The following FKBP15 variants were observed in gnomAD, a reference collection of about 807,000 sequenced individuals.
FKBP15 encodes FK506-binding protein 15.
In FKBP15, 106 loss-of-function variants were observed where a neutral mutation model predicts 158.1. That is an observed-to-expected ratio of 0.67 (90% CI 0.57 to 0.79). The LOEUF (loss-of-function observed/expected upper bound fraction) is 0.79, where lower values mean the gene tolerates loss of function less well. Among genes scored for constraint, FKBP15 ranks in the 30% least tolerant of loss-of-function variants. FKBP15 has a pLI of 0.00. For synonymous variants in FKBP15, 547 were observed against 548.6 expected, an observed-to-expected ratio of 1.00 and a Z score of 0.04; for missense variants, 1,287 against 1,479.1, an observed-to-expected ratio of 0.87 and a Z score of 2.13.
In FKBP15 at chr9:113,196,988, T is replaced by C. The variant is rs758323926; in HGVS notation, c.808A>G (p.Ile270Val). 2 of 1,614,020 alleles carry C rather than the reference T, an allele frequency of 1.2e-6. No homozygotes were observed. The highest frequency in any genetic ancestry group is 1.7e-5 in the Admixed American group (1 of 60,016). The change falls in exon 9 of 28, where the codon ATA (isoleucine) becomes GTA (valine). Residue 270 changes from isoleucine (I) to valine (V), a missense_variant. By Grantham distance (29) the Ile-to-Val change is conservative (BLOSUM62 3). Coordinates refer to ENST00000238256, the MANE Select transcript of FKBP15 (RefSeq NM_015258.2). ...PACAVGSEGVIGWTQATDSIL... is the reference protein window; with the variant it reads ...PACAVGSEGVVGWTQATDSIL... ...GAGTCCGTTGCTTGAGTCCAGCCTA[T>C]TACCCCTTCTGAGCCAACAGCACAG...
intron 24 of FKBP15, among the ~76,000 whole-genome samples, chr9:113,171,166 G>A (rs1459088234): frequency 6.6e-6 from 1 of 152,232 alleles, no homozygotes; most frequent in Non-Finnish European, 1.5e-5. Flanking sequence ...GGTGGCTCAT[G>A]CCTGTAATCC....
chr9:113,199,987 A>G, intron 6 of FKBP15, 24 bp from the exon 7 acceptor site: 1 of 1,603,646 alleles, frequency 6.2e-7, no homozygotes, highest in African/African-American at 1.3e-5. Flanking sequence ...TCAAAGCAGC[A>G]TAAATGTAGT....
chr9:113,188,558 T>C, intron 12 of FKBP15, 67 bp from the exon 13 acceptor site: 2 of 1,330,320 alleles, frequency 1.5e-6, no homozygotes, highest in Non-Finnish European at 2.1e-6. Flanking sequence ...AGGCTGACTG[T>C]CTGCCCTAAA....
At chr9:113,173,045 T>A (rs146118811) in intron 23 of FKBP15, among the ~76,000 whole-genome samples, 1 of 152,330 alleles carries the variant, frequency 6.6e-6, no homozygotes, top group Non-Finnish European at 1.5e-5. Context: ...CCAGCTCTCC[T>A]GGGTACTTCC....
chr9:113,213,837 T>C (rs1831066623), intron 1 of FKBP15, among the ~76,000 whole-genome samples: 1 of 152,204 alleles, frequency 6.6e-6, no homozygotes, highest in South Asian at 2.1e-4. Context: ...TATTCTGTTA[T>C]AAGCAACAGA....
chr9:113,208,331 C>T (rs143398520), intron 2 of FKBP15, among the ~76,000 whole-genome samples: 1,525 of 151,538 alleles, frequency 0.01, 19 homozygotes, highest in African/African-American at 0.028. Flanking sequence ...AATGAGACTC[C>T]GTCTCAAAAA....
chr9:113,173,320 G>A, intron 23 of FKBP15, 133 bp downstream of exon 23: 2 of 886,408 alleles, frequency 2.3e-6, no homozygotes, highest in Non-Finnish European at 3.3e-6. Flanking sequence ...TAACTGACAA[G>A]CTAAACAAGT....
rs764371388 is a variant in FKBP15, at chr9:113,171,646, C to T, written c.2593G>A (p.Glu865Lys). The change falls in exon 24 of 28, where the codon GAA becomes AAA. Residue 865 changes from glutamate to lysine, a missense_variant. Transcript: ENST00000238256. ...LTKQNEQHIK[E>K]LEKNKSQMSG... ...ATCTGGGACTTGTTCTTCTCTAGTT[C>T]CTTGATGTGCTGTTCATTTTGCTTG... The T allele has an allele frequency of 2.5e-6, 4 of 1,603,738 alleles. No homozygotes were observed. The highest frequency in any genetic ancestry group is 1.3e-5 in the African/African-American group (1 of 74,792).
At position 113,190,165 on chromosome 9, in the gene FKBP15, T is replaced by C. The variant is rs1262846025; in HGVS notation, c.1173+306A>G. ...ATAAATATGAATTGAACACCTGCTA[T>C]GGATTGGGCATCATGCTGCCCAGAG... is the stretch of plus-strand genomic sequence containing the variant. On this transcript the variant is annotated intron_variant, in intron 12 of 27. Transcript: ENST00000238256. Among the ~76,000 whole-genome samples, 4 of 152,344 alleles carry C rather than the reference T, an allele frequency of 2.6e-5. No homozygotes were observed. The East Asian group carries it at 7.7e-4, about 29-fold the overall frequency.
Position 113,183,833 on chromosome 9 carries a change from A to G in FKBP15, c.1729T>C (p.Leu577=), listed in dbSNP as rs372052532. The change falls in exon 18 of 28, where the codon TTG becomes CTG. Residue 577 remains leucine (L), a synonymous_variant. Transcript: ENST00000238256. ...IQRIIQENER[L]KQEILEKSNR... ...CTCTTTTCAAGGATCTCTTGCTTCA[A>G]TCTTTCATTTTCCTAATTTCAAAAT... The G allele has an allele frequency of 1.2e-6, 2 of 1,612,396 alleles. No individual in the cohort carries two copies. The highest frequency in any genetic ancestry group is 2.7e-5 in the African/African-American group (2 of 74,870).
intron 10 of FKBP15, among the ~76,000 whole-genome samples, 163 bp downstream of exon 10, chr9:113,193,864 T>C (rs1009833573): frequency 2.6e-5 from 4 of 152,212 alleles, no homozygotes; most frequent in African/African-American, 9.7e-5. Context: ...TATTAAACCT[T>C]TGTCAGAAAA....
At chr9:113,218,605 G>A (rs1831192871) in intron 1 of FKBP15, among the ~76,000 whole-genome samples, 1 of 152,164 alleles carries the variant, frequency 6.6e-6, no homozygotes, top group East Asian at 1.9e-4. Context: ...ACCCCTGCAA[G>A]GGTGAAAGCA....
At chr9:113,220,969 C>G (rs1831240078) in intron 1 of FKBP15, among the ~76,000 whole-genome samples, 1 of 152,202 alleles carries the variant, frequency 6.6e-6, no homozygotes, top group African/African-American at 2.4e-5. Flanking sequence ...AAACCCAGGG[C>G]TATCTTCCCG....
chr9:113,178,616 C>A lies in FKBP15; in HGVS notation c.2086+14G>T, dbSNP rs1830338188. 1 of 1,586,556 alleles carries A rather than the reference C, an allele frequency of 6.3e-7. No homozygotes were observed. Among genetic ancestry groups the A allele is most frequent in the East Asian group, 2.3e-5 (1 of 43,958 alleles). On this transcript the variant is annotated intron_variant, in intron 20 of 27. Transcript: ENST00000238256. The stretch of plus-strand genomic sequence containing the variant: ...AAATGGCAACAATCCCAGCATCCCC[C>A]ACCTAGCACATACCTGAGAGCTTTG...
chr9:113,190,435 T>C lies in FKBP15; in HGVS notation c.1173+36A>G, dbSNP rs778475645. On this transcript the variant is annotated intron_variant, in intron 12 of 27. Transcript: ENST00000238256. The stretch of plus-strand genomic sequence containing the variant: ...TGAAAAGAAAGATGATGGCGACATC[T>C]GTACTATTCATTCTAATACAGCCAG... 6.8e-5 allele frequency: 99 copies of C among 1,465,000 alleles called. No homozygotes were observed. The highest frequency in any genetic ancestry group is 9.2e-5 in the Non-Finnish European group (97 of 1,059,622). The allele number at this position is 1,465,000 out of a possible 1,614,324, so 90.8% of individuals were successfully genotyped here.
rs1470143591 is a variant in FKBP15 at position 113,163,968 on chromosome 9, G to GAGTT, written c.*2106_*2109dup. 29 of 152,634 alleles carry GAGTT rather than the reference G, an allele frequency of 1.9e-4. No homozygotes were observed. Among genetic ancestry groups the GAGTT allele is most frequent in the African/African-American group, 6.0e-4 (25 of 41,530 alleles). The allele number at this position is 152,634 out of a possible 1,614,324, so 9.5% of individuals were successfully genotyped here. A position where few individuals can be genotyped will look rare whatever the true frequency, so the allele number is the denominator to read the frequency against. On this transcript the variant is annotated 3_prime_UTR_variant, in exon 28 of 28. Coordinates refer to ENST00000238256, the MANE Select transcript of FKBP15 (RefSeq NM_015258.2). ...TCCAACCAAAGCCATTACATTTTTT[G>GAGTT]AGTTAGATGGGACTCTCTGGATAGT...
At chr9:113,182,959 G>T in intron 18 of FKBP15, 91 bp from the exon 19 acceptor site, 1 of 1,027,422 alleles carries the variant, frequency 9.7e-7, no homozygotes. Context: ...TCACAACATT[G>T]CTGCTCTATA....
chr9:113,216,314 T>C lies in FKBP15; in HGVS notation c.54-4722A>G, dbSNP rs528022181. ...GTTTTTTTAAAACAAGTTTTATGTATAGAGAAATATGCACTAGCATTTTAC... is the reference window on the plus strand; with the variant it reads ...GTTTTTTTAAAACAAGTTTTATGTACAGAGAAATATGCACTAGCATTTTAC... On this transcript the variant is annotated intron_variant, in intron 1 of 27. Coordinates refer to ENST00000238256, the MANE Select transcript of FKBP15 (RefSeq NM_015258.2). Among the ~76,000 whole-genome samples, 28 of 152,318 alleles carry C rather than the reference T, an allele frequency of 1.8e-4. No homozygotes were observed. The East Asian group carries it at 2.1e-3, about 12-fold the overall frequency.
At position 113,163,791 on chromosome 9, in the gene FKBP15, A is replaced by G. The variant is rs982185990; in HGVS notation, c.*2287T>C. The G allele has an allele frequency of 6.6e-6, 1 of 152,606 alleles. No individual in the cohort carries two copies. The highest frequency in any genetic ancestry group is 2.4e-5 in the African/African-American group (1 of 41,446). 9.5% of individuals were successfully genotyped at this position (152,606 alleles called of 1,614,324 possible). ...CCTCCTTTATCCTCATCTTTCTTCT[A>G]TGCAGAACAAAAAGCTGCATCTAAT... On this transcript the variant is annotated 3_prime_UTR_variant, in exon 28 of 28. Coordinates refer to ENST00000238256, the MANE Select transcript of FKBP15 (RefSeq NM_015258.2).
Sources: allele counts gnomAD v4.1 joint callset (sites outside exome capture counted in the v4.1 genomes callset), GRCh38; gene constraint gnomAD v4.1.1; transcripts MANE v1.5; gene names NCBI Gene and HGNC (gene_info 2026-07-23, HGNC 2026-07-21).